WDPCP: variants seen among roughly 807,000 people sequenced by gnomAD.
The protein encoded by WDPCP is WD repeat containing planar cell polarity effector, also known as WD repeat-containing and planar cell polarity effector protein fritz homolog.
In WDPCP, 71 loss-of-function variants were observed where a neutral mutation model predicts 93.1. The ratio of observed to expected loss-of-function variants is 0.76; its 90% CI spans 0.63 to 0.93. WDPCP has a LOEUF of 0.93. WDPCP is among the 40% of genes least tolerant of loss of function. WDPCP has a pLI of 0.00. For missense variants in WDPCP, 844 were observed against 887.4 expected (o/e 0.95, Z 0.62); for synonymous variants, 315 against 315.0 (o/e 1.00, Z 0.00).
chr2:63,811,594 A>AC (rs1670863403), intron 2 of WDPCP, among the ~76,000 whole-genome samples: 1 of 145,334 alleles, frequency 6.9e-6, no homozygotes. Context: ...CCCTGTCCAC[A>AC]CTTTTTTTTT....
At chr2:63,354,386 CTG>C (rs2104585519) in intron 12 of WDPCP, among the ~76,000 whole-genome samples, 1 of 152,290 alleles carries the variant, frequency 6.6e-6, no homozygotes, top group East Asian at 1.9e-4. Flanking sequence ...AACATAAACA[CTG>C]AGATCTCTCC....
intron 12 of WDPCP, among the ~76,000 whole-genome samples, chr2:63,375,647 G>T (rs549086600): frequency 6.6e-6 from 1 of 151,860 alleles, no homozygotes; most frequent in African/African-American, 2.4e-5. Flanking sequence ...AGACCAAAAA[G>T]TGTAAAGCAA....
chr2:63,122,921 T>A (rs1360222228), intron 17 of WDPCP, among the ~76,000 whole-genome samples: 1 of 152,084 alleles, frequency 6.6e-6, no homozygotes, highest in Non-Finnish European at 1.5e-5. Flanking sequence ...AGAAAAGCCT[T>A]TCAGAAAGTC....
chr2:63,519,000 G>A (rs1278903790), intron 1 of WDPCP: 1 of 151,348 alleles, frequency 6.6e-6, no homozygotes, highest in Non-Finnish European at 1.5e-5. Flanking sequence ...TTCACTGCCA[G>A]TGCATGGTAC....
At chr2:63,249,695 T>C (rs1335571936) in intron 14 of WDPCP, among the ~76,000 whole-genome samples, 1 of 152,176 alleles carries the variant, frequency 6.6e-6, no homozygotes, top group Non-Finnish European at 1.5e-5. Flanking sequence ...AGTGTGGAAC[T>C]GAAAGAAGGA....
chr2:63,459,603 T>C (rs1698869500), intron 6 of WDPCP, among the ~76,000 whole-genome samples: 1 of 151,944 alleles, frequency 6.6e-6, no homozygotes, highest in Admixed American at 6.6e-5. Context: ...CTATGGAAAA[T>C]AGTATGGAGA....
At chr2:63,795,521 A>G (rs959128305) in intron 2 of WDPCP, among the ~76,000 whole-genome samples, 4 of 150,646 alleles carry the variant, frequency 2.7e-5, no homozygotes, top group Admixed American at 6.6e-5. Flanking sequence ...GAAAGAAAGA[A>G]AGAGAGAAAG....
intron 1 of WDPCP, among the ~76,000 whole-genome samples, chr2:63,533,358 C>T (rs1189018044): frequency 6.6e-6 from 1 of 152,130 alleles, no homozygotes; most frequent in African/African-American, 2.4e-5. Context: ...ACCAAGCGAA[C>T]CTAATAGACA....
chr2:63,722,817 A>T (rs972774628), intron 2 of WDPCP, among the ~76,000 whole-genome samples: 1 of 152,008 alleles, frequency 6.6e-6, no homozygotes, highest in African/African-American at 2.4e-5. Flanking sequence ...GGCCAGGATG[A>T]CAATGGCGGC....
At chr2:63,504,736 T>C (rs893821079) in intron 1 of WDPCP, among the ~76,000 whole-genome samples, 1 of 152,046 alleles carries the variant, frequency 6.6e-6, no homozygotes, top group African/African-American at 2.4e-5. Context: ...TCTGACCAAC[T>C]TTTACTTTAA....
At chr2:63,648,760 C>G (rs1329100442) in intron 3 of WDPCP, among the ~76,000 whole-genome samples, 3 of 152,162 alleles carry the variant, frequency 2.0e-5, no homozygotes. Flanking sequence ...ATAACTGAAT[C>G]CAAGACCTTA....
intron 2 of WDPCP, among the ~76,000 whole-genome samples, chr2:63,671,462 C>T (rs904969796): frequency 1.2e-4 from 18 of 152,184 alleles, no homozygotes; most frequent in African/African-American, 3.6e-4. Flanking sequence ...CTTCACCCAG[C>T]GTCAGACTTG....
At chr2:63,174,537 A>C in intron 15 of WDPCP, 133 bp downstream of exon 15, 1 of 1,128,800 alleles carries the variant, frequency 8.9e-7, no homozygotes, top group Non-Finnish European at 1.3e-6. Flanking sequence ...AACTACTGCA[A>C]AGTCTGAGCC....
At chr2:63,138,866 C>G (rs538867461) in intron 17 of WDPCP, among the ~76,000 whole-genome samples, 21 of 152,158 alleles carry the variant, frequency 1.4e-4, no homozygotes, top group Admixed American at 2.6e-4. Flanking sequence ...CACTCTTCCC[C>G]CCAAGTCCCC....
chr2:63,536,234 G>A (rs1194285721), intron 1 of WDPCP, among the ~76,000 whole-genome samples: 1 of 152,140 alleles, frequency 6.6e-6, no homozygotes, highest in African/African-American at 2.4e-5. Context: ...AGAGGCTGTG[G>A]AGAAATAACG....
chr2:63,591,849 G>A (rs191017895), upstream of WDPCP, among the ~76,000 whole-genome samples: 232 of 152,296 alleles, frequency 1.5e-3, 1 homozygote, highest in African/African-American at 4.9e-3. Context: ...ACTGTTCTTA[G>A]TGCTTTGTGT....
chr2:63,592,528 A>G (rs1187958926), upstream of WDPCP, among the ~76,000 whole-genome samples: 1 of 152,002 alleles, frequency 6.6e-6, no homozygotes, highest in Non-Finnish European at 1.5e-5. Flanking sequence ...TTGTTTTTTT[A>G]AGAGACAGGG....
chr2:63,399,303 T>C (rs1458875012), intron 10 of WDPCP, among the ~76,000 whole-genome samples: 1 of 152,132 alleles, frequency 6.6e-6, no homozygotes, highest in East Asian at 1.9e-4. Flanking sequence ...AGCCAACTCA[T>C]TGCCTAATTG....
chr2:63,840,650 C>A, the WDPCP span, among the ~76,000 whole-genome samples: 1 of 152,230 alleles, frequency 6.6e-6, no homozygotes, highest in Non-Finnish European at 1.5e-5. Flanking sequence ...TGGGGAGCTC[C>A]GGCTCTATCC....
Sources: gnomAD v4.1 joint callset for allele counts (sites outside exome capture counted in the v4.1 genomes callset) on GRCh38, gnomAD v4.1.1 for gene constraint, MANE v1.5 for transcripts, NCBI Gene and HGNC (gene_info 2026-07-23, HGNC 2026-07-21) for gene names.